The following BTRC variants were observed in gnomAD, a reference collection of about 807,000 sequenced individuals.
The protein encoded by BTRC is beta-transducin repeat containing E3 ubiquitin protein ligase.
In BTRC, 42 loss-of-function variants were observed where a neutral mutation model predicts 85.5. That is an observed-to-expected ratio of 0.49 (90% CI 0.38 to 0.64). The LOEUF (loss-of-function observed/expected upper bound fraction) is 0.64, where lower values mean the gene tolerates loss of function less well. BTRC is among the 30% of genes least tolerant of loss of function. BTRC has a pLI of 0.00. For missense variants in BTRC, 594 were observed against 743.5 expected (o/e 0.80, Z 2.34); for synonymous variants, 255 against 263.3 (o/e 0.97, Z 0.30).
intron 2 of BTRC, among the ~76,000 whole-genome samples, chr10:101,446,769 A>G (rs1277257952): frequency 1.3e-5 from 2 of 152,162 alleles, no homozygotes; most frequent in African/African-American, 4.8e-5. Flanking sequence ...AAACTCATTG[A>G]AGGCATATGA....
chr10:101,510,229 C>G (rs1275045788), intron 4 of BTRC, among the ~76,000 whole-genome samples: 1 of 152,032 alleles, frequency 6.6e-6, no homozygotes, highest in East Asian at 1.9e-4. Context: ...TTATTTTTGG[C>G]CGGGTGCAGT....
intron 3 of BTRC, among the ~76,000 whole-genome samples, chr10:101,464,311 A>T (rs1945310760): frequency 6.6e-6 from 1 of 152,228 alleles, no homozygotes; most frequent in Non-Finnish European, 1.5e-5. Flanking sequence ...AGCAAGAGAG[A>T]GAATCATGCC....
chr10:101,475,321 A>G (rs540960963), intron 3 of BTRC, among the ~76,000 whole-genome samples: 14 of 152,092 alleles, frequency 9.2e-5, no homozygotes, highest in South Asian at 2.1e-4. Flanking sequence ...AGGTGGATCA[A>G]TTAAGGTCAG....
At chr10:101,423,427 GTGAC>G (rs1411554133) in intron 1 of BTRC, among the ~76,000 whole-genome samples, 4 of 152,204 alleles carry the variant, frequency 2.6e-5, no homozygotes, top group Non-Finnish European at 4.4e-5. Context: ...ATTAAAGTCT[GTGAC>G]TGAGCTTTTC....
At chr10:101,366,791 T>TA (rs1194556139) in intron 1 of BTRC, among the ~76,000 whole-genome samples, 1,314 of 101,290 alleles carry the variant, frequency 0.013, 52 homozygotes, top group Middle Eastern at 0.03. Context: ...TATATATATT[T>TA]TTACATTTAT....
chr10:101,425,579 A>G (rs906384086), intron 1 of BTRC, among the ~76,000 whole-genome samples: 56 of 152,030 alleles, frequency 3.7e-4, no homozygotes, highest in African/African-American at 1.4e-3. Flanking sequence ...ACAGAAGGTA[A>G]ATATTTAAAC....
intron 4 of BTRC, among the ~76,000 whole-genome samples, chr10:101,505,128 T>TACAC (rs1430471907): frequency 0.016 from 33 of 2,052 alleles, no homozygotes; most frequent in Non-Finnish European, 0.05. Flanking sequence ...TATATATATG[T>TACAC]GTATATATAT....
chr10:101,513,300 T>C (rs2061980140), intron 4 of BTRC, among the ~76,000 whole-genome samples: 2 of 152,212 alleles, frequency 1.3e-5, no homozygotes, highest in Non-Finnish European at 2.9e-5. Flanking sequence ...AAAATAACTT[T>C]ATTAAAATAT....
intron 1 of BTRC, among the ~76,000 whole-genome samples, chr10:101,430,141 A>G (rs1378887363): frequency 3.3e-5 from 5 of 151,988 alleles, no homozygotes; most frequent in African/African-American, 1.2e-4. Flanking sequence ...TTCTTTTTTT[A>G]CCTCCTTTCC....
chr10:101,521,986 T>C (rs1321639583), intron 5 of BTRC, 116 bp downstream of exon 5: 7 of 493,220 alleles, frequency 1.4e-5, no homozygotes, highest in African/African-American at 6.1e-5. Context: ...CAAATTAAGT[T>C]CCTTAACTGT....
At chr10:101,527,691 C>A (rs1033915999) in intron 6 of BTRC, among the ~76,000 whole-genome samples, 2 of 151,804 alleles carry the variant, frequency 1.3e-5, no homozygotes, top group Non-Finnish European at 2.9e-5. Context: ...GAAGTTGAGG[C>A]TGCAGTGAGC....
intron 1 of BTRC, among the ~76,000 whole-genome samples, chr10:101,386,538 G>A (rs1366468271): frequency 1.3e-5 from 2 of 152,182 alleles, no homozygotes; most frequent in Non-Finnish European, 2.9e-5. Context: ...ACCTGGTTTG[G>A]ATTTTATCTT....
At chr10:101,404,564 G>A (rs1482951906) in intron 1 of BTRC, among the ~76,000 whole-genome samples, 1 of 152,184 alleles carries the variant, frequency 6.6e-6, no homozygotes, top group Non-Finnish European at 1.5e-5. Flanking sequence ...TCTACAAGTT[G>A]AGATTTCTGT....
chr10:101,514,996 T>A (rs942294227), intron 4 of BTRC, among the ~76,000 whole-genome samples: 3 of 152,066 alleles, frequency 2.0e-5, no homozygotes, highest in African/African-American at 7.2e-5. Context: ...TACTCTGTAA[T>A]CCAGGCTGGA....
intron 1 of BTRC, among the ~76,000 whole-genome samples, chr10:101,405,185 G>C (rs1943590131): frequency 6.6e-6 from 1 of 151,502 alleles, no homozygotes. Flanking sequence ...CCTCCAGCCA[G>C]AAAGCTAGGA....
At chr10:101,542,786 G>T (rs906146876) in intron 13 of BTRC, among the ~76,000 whole-genome samples, 10 of 152,068 alleles carry the variant, frequency 6.6e-5, no homozygotes, top group Non-Finnish European at 1.0e-4. Context: ...CATTGCCCAG[G>T]CTGGTCTGGA....
At chr10:101,542,361 A>C (rs2062481728) in intron 13 of BTRC, among the ~76,000 whole-genome samples, 1 of 152,090 alleles carries the variant, frequency 6.6e-6, no homozygotes, top group Non-Finnish European at 1.5e-5. Flanking sequence ...AATCAGTTGA[A>C]GCTATAAATG....
chr10:101,532,789 T>TGCGCGCGCGCGC (rs1554895662), intron 8 of BTRC, among the ~76,000 whole-genome samples, 163 bp from the exon 9 acceptor site: 1 of 78,230 alleles, frequency 1.3e-5, no homozygotes, highest in Non-Finnish European at 2.4e-5. Context: ...TGTGTGTGTG[T>TGCGCGCGCGCGC]GCGCGTGTGC....
intron 4 of BTRC, among the ~76,000 whole-genome samples, chr10:101,510,399 A>G (rs1946671227): frequency 6.7e-6 from 1 of 150,206 alleles, no homozygotes; most frequent in Non-Finnish European, 1.5e-5. Context: ...AGTCCCAGCT[A>G]CTCCGGAGGC....
Sources: gnomAD v4.1 joint callset for allele counts (sites outside exome capture counted in the v4.1 genomes callset) on GRCh38, gnomAD v4.1.1 for gene constraint, MANE v1.5 for transcripts, NCBI Gene and HGNC (gene_info 2026-07-23, HGNC 2026-07-21) for gene names.